FOXN3: variants seen among roughly 807,000 people sequenced by gnomAD.
The protein encoded by FOXN3 is forkhead box protein N3.
A neutral mutation model predicts 38.4 loss-of-function variants in FOXN3; 7 were observed. The observed-to-expected ratio is 0.18, with a 90% CI of 0.10 to 0.34. FOXN3 has a LOEUF of 0.34. Ranked by LOEUF, FOXN3 falls within the 10% of genes least tolerant of loss-of-function variation. The pLI is 1.00. For synonymous variants in FOXN3, 230 were observed against 242.2 expected (o/e 0.95, Z 0.47); for missense variants, 456 against 613.4 (o/e 0.74, Z 2.71).
At chr14:89,355,574 T>A (rs1161570748) in intron 2 of FOXN3, among the ~76,000 whole-genome samples, 1 of 152,194 alleles carries the variant, frequency 6.6e-6, no homozygotes, top group African/African-American at 2.4e-5. Context: ...GTGGGCCAGA[T>A]ACATTCATGG....
intron 3 of FOXN3, among the ~76,000 whole-genome samples, chr14:89,284,839 G>A (rs1886570532): frequency 6.6e-6 from 1 of 152,122 alleles, no homozygotes; most frequent in Admixed American, 6.5e-5. Context: ...TAAGAGCAGC[G>A]CTGAGCCTGC....
At chr14:89,396,991 G>T (rs932199352) in intron 2 of FOXN3, among the ~76,000 whole-genome samples, 1 of 151,756 alleles carries the variant, frequency 6.6e-6, no homozygotes, top group African/African-American at 2.4e-5. Context: ...TGGGCAGCAA[G>T]AATCTCTGCT....
At chr14:89,446,144 C>A in intron 1 of FOXN3, among the ~76,000 whole-genome samples, 1 of 116,602 alleles carries the variant, frequency 8.6e-6, no homozygotes, top group Non-Finnish European at 1.8e-5. Flanking sequence ...GAACCCAGGT[C>A]TGATTCCTTC....
At chr14:89,438,616 A>G (rs1334033436) in intron 1 of FOXN3, among the ~76,000 whole-genome samples, 1 of 152,262 alleles carries the variant, frequency 6.6e-6, no homozygotes, top group African/African-American at 2.4e-5. Context: ...ATAATGTAAC[A>G]TATCAAACAG....
chr14:89,579,911 A>C (rs1895712062), intron 1 of FOXN3, among the ~76,000 whole-genome samples: 1 of 152,190 alleles, frequency 6.6e-6, no homozygotes, highest in Non-Finnish European at 1.5e-5. Context: ...GTACATACCC[A>C]ATAACACTTA....
intron 4 of FOXN3, among the ~76,000 whole-genome samples, chr14:89,204,026 T>A (rs17716753): frequency 1.3e-5 from 2 of 149,032 alleles, no homozygotes; most frequent in African/African-American, 2.5e-5. Context: ...CAGAAAGAAA[T>A]ACCGGTATAA....
chr14:89,357,619 A>G (rs531429562), intron 2 of FOXN3, among the ~76,000 whole-genome samples: 11 of 151,740 alleles, frequency 7.2e-5, no homozygotes, highest in South Asian at 4.2e-4. Flanking sequence ...AAAAAAAAAA[A>G]AGAGAGAGAG....
At chr14:89,534,787 C>A (rs1326163308) in intron 1 of FOXN3, among the ~76,000 whole-genome samples, 2 of 152,172 alleles carry the variant, frequency 1.3e-5, no homozygotes, top group South Asian at 4.1e-4. Context: ...GGTATGAGAA[C>A]GGATGCGCTA....
chr14:89,338,483 A>AT (rs1888527486), intron 3 of FOXN3, among the ~76,000 whole-genome samples: 1 of 152,158 alleles, frequency 6.6e-6, no homozygotes, highest in South Asian at 2.1e-4. Flanking sequence ...ACAAAACCAT[A>AT]TATATAAGGG....
chr14:89,316,348 T>C (rs1267743154), intron 3 of FOXN3, among the ~76,000 whole-genome samples: 1 of 151,512 alleles, frequency 6.6e-6, no homozygotes, highest in Non-Finnish European at 1.5e-5. Flanking sequence ...TGAGCCAACA[T>C]ACAGAACTGC....
chr14:89,611,885 C>T (rs1896401618), intron 1 of FOXN3, among the ~76,000 whole-genome samples: 1 of 150,868 alleles, frequency 6.6e-6, no homozygotes, highest in Non-Finnish European at 1.5e-5. Context: ...GATGTGAGAA[C>T]ACAGAATGTG....
intron 1 of FOXN3, among the ~76,000 whole-genome samples, chr14:89,554,778 A>ATTTTTTTTTTT (rs1259241112): frequency 7.6e-6 from 1 of 132,258 alleles, no homozygotes; most frequent in African/African-American, 2.9e-5. Context: ...AAATACTAGC[A>ATTTTTTTTTTT]TTTCTTTTTT....
chr14:89,271,493 G>A (rs1437515125), intron 4 of FOXN3, among the ~76,000 whole-genome samples: 1 of 152,148 alleles, frequency 6.6e-6, no homozygotes, highest in Non-Finnish European at 1.5e-5. Context: ...AATAAGGAAA[G>A]ATTCCTATAC....
At chr14:89,366,342 T>C (rs552595656) in intron 2 of FOXN3, among the ~76,000 whole-genome samples, 73 of 152,198 alleles carry the variant, frequency 4.8e-4, no homozygotes, top group African/African-American at 1.7e-3. Context: ...GAATGTACAA[T>C]GATGTGGTAA....
chr14:89,575,027 C>G (rs959395991), intron 1 of FOXN3, among the ~76,000 whole-genome samples: 1 of 152,162 alleles, frequency 6.6e-6, no homozygotes, highest in Non-Finnish European at 1.5e-5. Context: ...CAGATGAGAT[C>G]AGGTAAGAAA....
At chr14:89,587,212 G>C (rs1007486954) in intron 1 of FOXN3, among the ~76,000 whole-genome samples, 1 of 152,230 alleles carries the variant, frequency 6.6e-6, no homozygotes, top group African/African-American at 2.4e-5. Flanking sequence ...GACTGATTAG[G>C]TGAGGCCCAC....
intron 1 of FOXN3, among the ~76,000 whole-genome samples, chr14:89,500,423 T>A (rs546086600): frequency 4.6e-5 from 7 of 152,322 alleles, no homozygotes; most frequent in African/African-American, 1.7e-4. Context: ...CCAAGGTCAG[T>A]GGGCATCTGG....
chr14:89,309,661 C>G (rs1341460696), intron 3 of FOXN3, among the ~76,000 whole-genome samples: 3 of 152,178 alleles, frequency 2.0e-5, no homozygotes, highest in Non-Finnish European at 4.4e-5. Context: ...CGTTTTAACC[C>G]TTCCACAGCC....
chr14:89,533,813 G>C (rs772182838), intron 1 of FOXN3, among the ~76,000 whole-genome samples: 38 of 151,784 alleles, frequency 2.5e-4, no homozygotes, highest in Non-Finnish European at 5.2e-4. Flanking sequence ...AAAGAGCAAC[G>C]AGAAAAGCTC....
Sources: allele counts gnomAD v4.1 joint callset (sites outside exome capture counted in the v4.1 genomes callset), GRCh38; gene constraint gnomAD v4.1.1; transcripts MANE v1.5; gene names NCBI Gene and HGNC (gene_info 2026-07-23, HGNC 2026-07-21).